The following CFDP1 variants were observed in gnomAD, a reference collection of about 807,000 sequenced individuals.
CFDP1 encodes the protein chromatin remodeling protein CFDP1, also known as heterochromatin-stabilizing protein CFDP1.
A neutral mutation model predicts 40.1 loss-of-function variants in CFDP1; 31 were observed. That is an observed-to-expected ratio of 0.77 (90% CI 0.58 to 1.04). CFDP1 has a LOEUF of 1.04. Ranked by LOEUF, CFDP1 falls within the 50% of genes least tolerant of loss-of-function variation. The pLI, the probability that CFDP1 is intolerant of heterozygous loss-of-function variation, is 0.00. For synonymous variants in CFDP1, 167 were observed against 120.0 expected (o/e 1.39, Z -2.56); for missense variants, 423 against 343.4 (o/e 1.23, Z -1.83).
chr16:75,406,546 TA>T, intron 4 of CFDP1: 1 of 149,864 alleles, frequency 6.7e-6, no homozygotes, highest in Non-Finnish European at 1.5e-5. Context: ...ACTCAAAATA[TA>T]AAAAATAGCT....
chr16:75,336,339 G>C (rs956389119), intron 5 of CFDP1, among the ~76,000 whole-genome samples: 3 of 152,208 alleles, frequency 2.0e-5, no homozygotes, highest in Admixed American at 1.3e-4. Flanking sequence ...TTGGGCTGCA[G>C]CTAGAGTGCC....
intron 6 of CFDP1, among the ~76,000 whole-genome samples, chr16:75,294,391 C>T (rs982204807): frequency 1.3e-5 from 2 of 152,212 alleles, no homozygotes; most frequent in Non-Finnish European, 2.9e-5. Context: ...AAGGAATGAA[C>T]ATCTTTGAGC....
intron 5 of CFDP1, among the ~76,000 whole-genome samples, chr16:75,316,626 T>C (rs1448396557): frequency 6.9e-6 from 1 of 144,966 alleles, no homozygotes; most frequent in Non-Finnish European, 1.5e-5. Context: ...ATACAAATAT[T>C]CAGGAAATCC....
chr16:75,404,521 G>A (rs971365838), intron 4 of CFDP1, among the ~76,000 whole-genome samples: 16 of 151,972 alleles, frequency 1.1e-4, no homozygotes, highest in African/African-American at 2.2e-4. Flanking sequence ...GCGCCCGGCC[G>A]CAAAGGTACT....
chr16:75,408,647 G>C (rs925326040), intron 4 of CFDP1, among the ~76,000 whole-genome samples: 1 of 151,570 alleles, frequency 6.6e-6, no homozygotes, highest in African/African-American at 2.4e-5. Context: ...ACGCTGGCAG[G>C]CACCTGTAAT....
chr16:75,430,696 T>C (rs1031323661), intron 1 of CFDP1, among the ~76,000 whole-genome samples: 25 of 152,112 alleles, frequency 1.6e-4, no homozygotes, highest in African/African-American at 5.6e-4. Context: ...ACTCCTGACC[T>C]CAAATGATCC....
intron 4 of CFDP1, among the ~76,000 whole-genome samples, chr16:75,403,730 A>T (rs2079074937): frequency 6.6e-6 from 1 of 152,230 alleles, no homozygotes; most frequent in Non-Finnish European, 1.5e-5. Context: ...TCAAACTATT[A>T]AAAGTTTATA....
chr16:75,428,323 T>C (rs1330235749), intron 1 of CFDP1, among the ~76,000 whole-genome samples: 2 of 152,080 alleles, frequency 1.3e-5, no homozygotes, highest in Non-Finnish European at 2.9e-5. Context: ...GCTATAAAAA[T>C]ATTCAAAGTT....
intron 6 of CFDP1, among the ~76,000 whole-genome samples, chr16:75,299,468 G>A (rs562607692): frequency 2.5e-3 from 372 of 151,770 alleles, no homozygotes; most frequent in Middle Eastern, 6.8e-3. Context: ...GGTGGCGGGC[G>A]CCTGTAGTCC....
At chr16:75,345,668 A>C (rs1435718354) in intron 5 of CFDP1, among the ~76,000 whole-genome samples, 1 of 152,118 alleles carries the variant, frequency 6.6e-6, no homozygotes, top group African/African-American at 2.4e-5. Context: ...GAACATCCCA[A>C]AGTCTGCAAG....
chr16:75,343,626 A>G (rs2078541819), intron 5 of CFDP1, among the ~76,000 whole-genome samples: 1 of 152,254 alleles, frequency 6.6e-6, no homozygotes, highest in African/African-American at 2.4e-5. Context: ...AAAAGAGTTC[A>G]TGACTTCATC....
intron 4 of CFDP1, among the ~76,000 whole-genome samples, chr16:75,402,080 C>G (rs1172561881): frequency 6.6e-6 from 1 of 152,124 alleles, no homozygotes; most frequent in Non-Finnish European, 1.5e-5. Context: ...GTAATTGACA[C>G]CAAGTAATAT....
At chr16:75,395,022 G>A in intron 5 of CFDP1, 68 bp downstream of exon 5, 1 of 1,583,182 alleles carries the variant, frequency 6.3e-7, no homozygotes, top group South Asian at 1.1e-5. Flanking sequence ...TGCAGCGAAA[G>A]TAGGTATTTG....
At chr16:75,296,480 T>TCC (rs34930844) in intron 6 of CFDP1, among the ~76,000 whole-genome samples, 79,492 of 151,932 alleles carry the variant, frequency 0.52, 21,945 homozygotes, top group Admixed American at 0.67. Context: ...CAAGCGATCC[T>TCC]CACCTTGGCC....
intron 1 of CFDP1, among the ~76,000 whole-genome samples, chr16:75,416,677 G>C (rs1335188996): frequency 6.6e-6 from 1 of 152,110 alleles, no homozygotes; most frequent in Non-Finnish European, 1.5e-5. Context: ...GAGCCTGGGA[G>C]GTCAAAGCTA....
At chr16:75,357,418 C>G (rs1424567959) in intron 5 of CFDP1, among the ~76,000 whole-genome samples, 1 of 151,922 alleles carries the variant, frequency 6.6e-6, no homozygotes, top group East Asian at 1.9e-4. Flanking sequence ...CCATGACCAG[C>G]TAATTTTTGT....
chr16:75,428,807 C>T (rs559327302), intron 1 of CFDP1, among the ~76,000 whole-genome samples: 4 of 152,066 alleles, frequency 2.6e-5, no homozygotes, highest in Admixed American at 2.6e-4. Flanking sequence ...CAAGATATAT[C>T]ATGGTGACAT....
chr16:75,363,972 C>G (rs1313685072), intron 5 of CFDP1, among the ~76,000 whole-genome samples: 1 of 151,618 alleles, frequency 6.6e-6, no homozygotes, highest in Non-Finnish European at 1.5e-5. Context: ...CACACACACA[C>G]AGCCATGCAA....
At chr16:75,362,976 T>C (rs1175428726) in intron 5 of CFDP1, 2 of 152,176 alleles carry the variant, frequency 1.3e-5, no homozygotes, top group Admixed American at 6.6e-5. Flanking sequence ...AAGCAAACTG[T>C]TGGCTCTGAA....
Sources: gnomAD v4.1 joint callset for allele counts (sites outside exome capture counted in the v4.1 genomes callset) on GRCh38, gnomAD v4.1.1 for gene constraint, MANE v1.5 for transcripts, NCBI Gene and HGNC (gene_info 2026-07-23, HGNC 2026-07-21) for gene names.